The following KHDRBS3 variants were observed in gnomAD, a reference collection of about 807,000 sequenced individuals.
KHDRBS3 encodes KH domain-containing, RNA-binding, signal transduction-associated protein 3.
In KHDRBS3, 23 loss-of-function variants were observed where a neutral mutation model predicts 45.6. That is an observed-to-expected ratio of 0.50 (90% CI 0.36 to 0.72). The LOEUF (loss-of-function observed/expected upper bound fraction) is 0.72. KHDRBS3 is among the 30% of genes least tolerant of loss of function. The pLI, the probability that KHDRBS3 is intolerant of heterozygous loss-of-function variation, is 0.00. For synonymous variants in KHDRBS3, 162 were observed against 156.5 expected (o/e 1.04, Z -0.26); for missense variants, 352 against 424.8 (o/e 0.83, Z 1.51).
At chr8:135,582,128 T>A in intron 6 of KHDRBS3, 55 bp downstream of exon 6, 1 of 1,430,364 alleles carries the variant, frequency 7.0e-7, no homozygotes, top group Non-Finnish European at 9.3e-7. Context: ...TAATCCAGAC[T>A]TAGCACTGGA....
intron 6 of KHDRBS3, among the ~76,000 whole-genome samples, chr8:135,604,631 GCTC>G (rs2131017614): frequency 6.6e-6 from 1 of 150,550 alleles, no homozygotes; most frequent in South Asian, 2.1e-4. Context: ...CTTTTTAATA[GCTC>G]CATTCTCTCC....
At chr8:135,596,290 A>T (rs1181089687) in intron 6 of KHDRBS3, among the ~76,000 whole-genome samples, 1 of 152,222 alleles carries the variant, frequency 6.6e-6, no homozygotes, top group African/African-American at 2.4e-5. Flanking sequence ...TAAAGAAGGT[A>T]GGTGAGAATG....
chr8:135,463,845 C>T (rs372389919), intron 1 of KHDRBS3, among the ~76,000 whole-genome samples: 1 of 152,180 alleles, frequency 6.6e-6, no homozygotes, highest in Non-Finnish European at 1.5e-5. Flanking sequence ...TGACTTATAT[C>T]TTCTACCAAA....
chr8:135,655,765 C>T (rs1171482603), intron 4 of KHDRBS3, among the ~76,000 whole-genome samples: 2 of 152,124 alleles, frequency 1.3e-5, no homozygotes, highest in Non-Finnish European at 2.9e-5. Context: ...GATCACCAGC[C>T]AGTTTTTTAA....
intron 1 of KHDRBS3, among the ~76,000 whole-genome samples, chr8:135,463,881 C>T (rs751533108): frequency 6.6e-6 from 1 of 152,138 alleles, no homozygotes; most frequent in Non-Finnish European, 1.5e-5. Context: ...TGTTCCTTGG[C>T]GTTGGGGATG....
At chr8:135,533,459 A>G (rs1403782258) in intron 2 of KHDRBS3, among the ~76,000 whole-genome samples, 1 of 152,176 alleles carries the variant, frequency 6.6e-6, no homozygotes, top group Non-Finnish European at 1.5e-5. Flanking sequence ...GTGATAGAAC[A>G]GGCTTATGAT....
chr8:135,630,960 G>A (rs973862727), intron 7 of KHDRBS3, among the ~76,000 whole-genome samples: 1 of 152,038 alleles, frequency 6.6e-6, no homozygotes, highest in Non-Finnish European at 1.5e-5. Context: ...ATTAAAAAGT[G>A]TTTTTCGGCC....
intron 5 of KHDRBS3, among the ~76,000 whole-genome samples, chr8:135,564,495 A>G (rs1452136608): frequency 6.6e-6 from 1 of 152,214 alleles, no homozygotes; most frequent in Non-Finnish European, 1.5e-5. Context: ...CAATTTAATT[A>G]CCAAATTTGT....
At chr8:135,490,404 C>T (rs1371536486) in intron 1 of KHDRBS3, among the ~76,000 whole-genome samples, 1 of 152,102 alleles carries the variant, frequency 6.6e-6, no homozygotes, top group East Asian at 1.9e-4. Context: ...TACCTCTTAC[C>T]TGGCAGGGAG....
chr8:135,631,105 G>A (rs1830580151), intron 7 of KHDRBS3, among the ~76,000 whole-genome samples: 1 of 151,942 alleles, frequency 6.6e-6, no homozygotes, highest in Non-Finnish European at 1.5e-5. Context: ...AAAAAAATTA[G>A]CCAGGTGTGA....
At chr8:135,576,605 A>G (rs796956737) in intron 5 of KHDRBS3, among the ~76,000 whole-genome samples, 2 of 151,742 alleles carry the variant, frequency 1.3e-5, no homozygotes, top group African/African-American at 4.8e-5. Flanking sequence ...ACACTTTCTT[A>G]CTTTCTGGCA....
At chr8:135,519,885 G>A (rs1466832639) in intron 1 of KHDRBS3, among the ~76,000 whole-genome samples, 5 of 152,184 alleles carry the variant, frequency 3.3e-5, no homozygotes, top group Non-Finnish European at 5.9e-5. Flanking sequence ...TTTCAGTGGT[G>A]ACAGAAGCCC....
intron 6 of KHDRBS3, among the ~76,000 whole-genome samples, chr8:135,583,831 A>G (rs1477230098): frequency 6.6e-6 from 1 of 152,332 alleles, no homozygotes; most frequent in East Asian, 1.9e-4. Flanking sequence ...ATAGATTAAT[A>G]AAACTGAAAA....
intron 5 of KHDRBS3, among the ~76,000 whole-genome samples, chr8:135,565,513 T>C (rs187020739): frequency 6.6e-6 from 1 of 152,358 alleles, no homozygotes; most frequent in East Asian, 1.9e-4. Flanking sequence ...GATAGCTTGA[T>C]TGAACTCTAA....
intron 6 of KHDRBS3, among the ~76,000 whole-genome samples, chr8:135,584,163 T>C (rs962539328): frequency 1.3e-5 from 2 of 152,214 alleles, no homozygotes; most frequent in African/African-American, 4.8e-5. Flanking sequence ...CCTGGCACTC[T>C]TCCAGGCACT....
intron 7 of KHDRBS3, among the ~76,000 whole-genome samples, chr8:135,622,859 A>C (rs1830204174): frequency 6.6e-6 from 1 of 152,240 alleles, no homozygotes; most frequent in Admixed American, 6.5e-5. Flanking sequence ...AATAGGCTTA[A>C]GGAACCCAAC....
At chr8:135,654,472 G>A (rs1831492271) in intron 4 of KHDRBS3, among the ~76,000 whole-genome samples, 1 of 152,184 alleles carries the variant, frequency 6.6e-6, no homozygotes, top group Admixed American at 6.5e-5. Flanking sequence ...GGCCACACCA[G>A]AAACTCATCT....
At chr8:135,476,105 T>C (rs893647380) in intron 1 of KHDRBS3, among the ~76,000 whole-genome samples, 2 of 152,140 alleles carry the variant, frequency 1.3e-5, no homozygotes, top group African/African-American at 4.8e-5. Context: ...AGTTAATTAA[T>C]TGACTTGACA....
chr8:135,600,978 G>T (rs991680981), intron 6 of KHDRBS3, among the ~76,000 whole-genome samples: 7 of 152,190 alleles, frequency 4.6e-5, no homozygotes, highest in Non-Finnish European at 8.8e-5. Flanking sequence ...GCTAGGATTA[G>T]TAAAGGAGCT....
Sources: gnomAD v4.1 joint callset for allele counts (sites outside exome capture counted in the v4.1 genomes callset) on GRCh38, gnomAD v4.1.1 for gene constraint, MANE v1.5 for transcripts, NCBI Gene and HGNC (gene_info 2026-07-23, HGNC 2026-07-21) for gene names.